The following LRCH3 variants were observed in gnomAD, a reference collection of about 807,000 sequenced individuals.
LRCH3 encodes DISP complex protein LRCH3.
LRCH3 carries 68 observed loss-of-function variants against 104.5 expected under a neutral mutation model. The ratio of observed to expected loss-of-function variants is 0.65; its 90% confidence interval spans 0.54 to 0.80. The LOEUF (loss-of-function observed/expected upper bound fraction) is 0.80. Ranked by LOEUF, LRCH3 falls within the 30% of genes least tolerant of loss-of-function variation. LRCH3 has a pLI of 0.00. For synonymous variants in LRCH3, 344 were observed against 361.3 expected (o/e 0.95, Z 0.54); for missense variants, 951 against 953.9 (o/e 1.00, Z 0.04).
At chr3:197,837,986 G>A (rs1381727624) in intron 9 of LRCH3, among the ~76,000 whole-genome samples, 4 of 152,082 alleles carry the variant, frequency 2.6e-5, no homozygotes, top group Admixed American at 1.3e-4. Flanking sequence ...CTTGAACCTG[G>A]GCAGCGGACA....
chr3:197,864,897 T>C (rs1042520892), intron 15 of LRCH3, among the ~76,000 whole-genome samples: 1 of 151,912 alleles, frequency 6.6e-6, no homozygotes, highest in African/African-American at 2.4e-5. Context: ...GATGTGTCCC[T>C]GTAGTCTCAA....
At position 197,870,204 on chromosome 3, in the gene LRCH3, T is replaced by G; in HGVS notation, c.1918T>G (p.Ser640Ala). 1 of 1,612,990 alleles carries G rather than the reference T, an allele frequency of 6.2e-7. No individual in the cohort carries two copies. The highest frequency in any genetic ancestry group is 8.5e-7 in the Non-Finnish European group (1 of 1,179,024). Reference protein sequence around the residue: ...LPPSAAPTTDSTDSITGQNSR... With the variant: ...LPPSAAPTTDATDSITGQNSR... ...TCCATCTGCTGCACCTACCACTGATTCTACAGATTCCATAACAGGACAGAA... is the reference window on the plus strand; with the variant it reads ...TCCATCTGCTGCACCTACCACTGATGCTACAGATTCCATAACAGGACAGAA... Residue 640 changes from serine (S) to alanine (A), a missense_variant, in exon 18 of 21, where the codon TCT (serine) becomes GCT (alanine). Transcript: ENST00000425562.
At chr3:197,855,533 T>C (rs982070238) in intron 14 of LRCH3, among the ~76,000 whole-genome samples, 1 of 152,180 alleles carries the variant, frequency 6.6e-6, no homozygotes, top group South Asian at 2.1e-4. Flanking sequence ...CAATGTCGCA[T>C]AGACAGTAAG....
At chr3:197,800,440 C>T (rs1731750783) in intron 1 of LRCH3, among the ~76,000 whole-genome samples, 1 of 152,136 alleles carries the variant, frequency 6.6e-6, no homozygotes, top group Non-Finnish European at 1.5e-5. Context: ...GGTGCTGAAC[C>T]TCATCAGTAA....
chr3:197,844,671 G>T (rs925149478), intron 10 of LRCH3, among the ~76,000 whole-genome samples: 6 of 151,858 alleles, frequency 4.0e-5, no homozygotes, highest in Non-Finnish European at 1.5e-5. Flanking sequence ...AGGCTGGAGT[G>T]CAGTGGCGCG....
intron 20 of LRCH3, among the ~76,000 whole-genome samples, chr3:197,878,778 T>C (rs1284402073): frequency 6.6e-6 from 1 of 152,222 alleles, no homozygotes; most frequent in Non-Finnish European, 1.5e-5. Flanking sequence ...GAGAAGAAAC[T>C]TCTACCTCCT....
At chr3:197,827,452 G>T (rs1342734183) in intron 5 of LRCH3, among the ~76,000 whole-genome samples, 1 of 152,094 alleles carries the variant, frequency 6.6e-6, no homozygotes, top group Non-Finnish European at 1.5e-5. Context: ...GAAGCATCAG[G>T]TAAACCATAG....
At chr3:197,869,959 G>A (rs1711927715) in intron 17 of LRCH3, among the ~76,000 whole-genome samples, 1 of 151,046 alleles carries the variant, frequency 6.6e-6, no homozygotes, top group East Asian at 2.0e-4. Flanking sequence ...GTACCCGCAG[G>A]AGGTAGAAAG....
At chr3:197,795,924 C>T (rs1388847318) in intron 1 of LRCH3, among the ~76,000 whole-genome samples, 1 of 151,856 alleles carries the variant, frequency 6.6e-6, no homozygotes, top group Non-Finnish European at 1.5e-5. Context: ...ATCTCCTGAC[C>T]TTGTGATCCG....
In LRCH3 at chr3:197,847,988, G is replaced by C; in HGVS notation, c.1497G>C (p.Gln499His). The change falls in exon 12 of 21, where the codon CAG becomes CAC. Residue 499 changes from glutamine (Q) to histidine (H), a missense_variant. Gln to His is a conservative substitution (Grantham distance 24). Coordinates refer to ENST00000425562, the MANE Select transcript of LRCH3 (RefSeq NM_001365715.1). ...AGGAGGAGAAAATAAGGACCAAGCA[G>C]ATCCAGAGAGATGCTGTCCTGGACT... The part of the protein sequence containing the change: ...QYEEEKIRTK[Q>H]IQRDAVLDFV... The C allele has an allele frequency of 6.2e-7, 1 of 1,614,164 alleles. No homozygotes were observed. The highest frequency in any genetic ancestry group is 8.5e-7 in the Non-Finnish European group (1 of 1,180,036).
At chr3:197,879,518 C>A (rs575343612) in intron 20 of LRCH3, among the ~76,000 whole-genome samples, 2 of 151,362 alleles carry the variant, frequency 1.3e-5, no homozygotes, top group African/African-American at 4.9e-5. Flanking sequence ...TGGTGGCGGG[C>A]GCCTGTAGTC....
chr3:197,870,410 G>A (rs1712021266), intron 18 of LRCH3, 132 bp downstream of exon 18: 2 of 854,654 alleles, frequency 2.3e-6, no homozygotes, highest in Non-Finnish European at 3.4e-6. Context: ...CTGTCACCCA[G>A]GCTGGAGTTC....
chr3:197,830,671 C>T (rs1735809887), intron 6 of LRCH3, 99 bp from the exon 7 acceptor site: 6 of 899,782 alleles, frequency 6.7e-6, no homozygotes, highest in Non-Finnish European at 1.1e-5. Flanking sequence ...AGTTAAGTGA[C>T]TGCCACATTT....
Position 197,835,675 on chromosome 3 carries a change from G to A in LRCH3, c.1104G>A (p.Val368=). ...TGGGTGTGTGTGTGGTGTATACAGT[G>A]GAACATGATCTGGATCAGATTGACT... The part of the protein sequence containing the change: ...RGSLVVTNGG[V]EHDLDQIDYI... Residue 368 remains valine, a splice_region_variant and synonymous_variant, in exon 9 of 21, where the codon GTG becomes GTA. Coordinates refer to ENST00000425562, the MANE Select transcript of LRCH3 (RefSeq NM_001365715.1). The A allele has an allele frequency of 6.2e-7, 1 of 1,612,422 alleles. No homozygotes were observed.
Position 197,870,216 on chromosome 3 carries a change from A to C in LRCH3, c.1930A>C (p.Ile644Leu). 6.2e-7 allele frequency: 1 copy of C among 1,613,218 alleles called. No homozygotes were observed. The highest frequency in any genetic ancestry group is 1.3e-5 in the African/African-American group (1 of 75,046). The change falls in exon 18 of 21, where the codon ATA (isoleucine) becomes CTA (leucine). Residue 644 changes from isoleucine (I) to leucine (L), a missense_variant. Ile to Leu is a conservative substitution (Grantham distance 5, BLOSUM62 2). Transcript: ENST00000425562. ...AAPTTDSTDS[I>L]TGQNSRQREE... is the part of the protein sequence containing the mutation. ...ACCTACCACTGATTCTACAGATTCCATAACAGGACAGAATTCAAGACAGAG... is the reference window on the plus strand; with the variant it reads ...ACCTACCACTGATTCTACAGATTCCCTAACAGGACAGAATTCAAGACAGAG...
At chr3:197,837,350 G>A (rs1243993764) in intron 9 of LRCH3, among the ~76,000 whole-genome samples, 1 of 152,012 alleles carries the variant, frequency 6.6e-6, no homozygotes, top group African/African-American at 2.4e-5. Context: ...TAAAAAAATA[G>A]TATTTCTTTA....
chr3:197,815,705 A>G (rs1448867427), intron 2 of LRCH3, among the ~76,000 whole-genome samples: 2 of 152,218 alleles, frequency 1.3e-5, no homozygotes, highest in Admixed American at 6.5e-5. Flanking sequence ...GTATTTTTGC[A>G]TATTAAGTTC....
chr3:197,867,393 A>G (rs1228437491), intron 17 of LRCH3, among the ~76,000 whole-genome samples: 3 of 150,474 alleles, frequency 2.0e-5, no homozygotes, highest in African/African-American at 7.3e-5. Context: ...TCCAGCATGG[A>G]TGACAGTGTG....
chr3:197,836,917 A>G (rs1736880951), intron 9 of LRCH3, among the ~76,000 whole-genome samples: 1 of 152,144 alleles, frequency 6.6e-6, no homozygotes, highest in Admixed American at 6.5e-5. Context: ...ACCTCGGGTG[A>G]TCTGCCCGCC....
Sources: gnomAD v4.1 joint callset for allele counts (sites outside exome capture counted in the v4.1 genomes callset) on GRCh38, gnomAD v4.1.1 for gene constraint, MANE v1.5 for transcripts, NCBI Gene and HGNC (gene_info 2026-07-23, HGNC 2026-07-21) for gene names.